The following PMPCA variants were observed in gnomAD, a reference collection of about 807,000 sequenced individuals.
PMPCA encodes the protein peptidase, mitochondrial processing subunit alpha.
In PMPCA, 47 loss-of-function variants were observed where a neutral mutation model predicts 59.3. The observed-to-expected ratio is 0.79, with a 90% CI of 0.63 to 1.01. PMPCA has a LOEUF of 1.01. PMPCA is among the 50% of genes least tolerant of loss of function. The probability of loss-of-function intolerance (pLI) is 0.00; values close to 1 mark genes in which losing one functional copy is unlikely to be tolerated. For synonymous variants in PMPCA, 338 were observed against 290.3 expected, an observed-to-expected ratio of 1.16 and a Z score of -1.67; for missense variants, 726 against 704.5, an observed-to-expected ratio of 1.03 and a Z score of -0.34.
At chr9:136,416,559 C>A in intron 6 of PMPCA, 168 bp downstream of exon 6, 1 of 677,930 alleles carries the variant, frequency 1.5e-6, no homozygotes, top group South Asian at 1.6e-5. Flanking sequence ...CTACGCTGGT[C>A]TTGCACTCCT....
intron 1 of PMPCA, among the ~76,000 whole-genome samples, chr9:136,411,654 G>GGAT (rs960325402): frequency 2.0e-5 from 3 of 152,194 alleles, no homozygotes; most frequent in African/African-American, 7.2e-5. Flanking sequence ...GGTTAATAAG[G>GGAT]GATATGGCTT....
Position 136,410,734 on chromosome 9 carries a change from G to T in PMPCA, c.66G>T (p.Arg22=). 7.1e-7 allele frequency: 1 copy of T among 1,416,184 alleles called. No homozygotes were observed. The allele number at this position is 1,416,184 out of a possible 1,614,324, so 87.7% of individuals were successfully genotyped here. The part of the protein sequence containing the change: ...LRGSGSWGCS[R]LRFGPPAYRR... ...GCTCGGGTTCTTGGGGCTGTTCGCG[G>T]CTGAGGTGAGCCAAAGGCGAACCAG... The change falls in exon 1 of 13, where the codon CGG becomes CGT. Residue 22 remains arginine, a synonymous_variant. Coordinates refer to ENST00000371717, the MANE Select transcript of PMPCA (RefSeq NM_015160.3).
At position 136,423,283 on chromosome 9, in the gene PMPCA, C is replaced by G. The variant is rs1224283835; in HGVS notation, c.*19C>G. The G allele has an allele frequency of 6.2e-7, 1 of 1,603,712 alleles. No homozygotes were observed. Among genetic ancestry groups the G allele is most frequent in the Admixed American group, 1.7e-5 (1 of 59,506 alleles). Reference sequence around the variant, plus strand: ...CCGGTAGAACCGCTCCCCGGCCTGACAGACCCAGGGAGCTGCAGCTGGAGC... The same window carrying G: ...CCGGTAGAACCGCTCCCCGGCCTGAGAGACCCAGGGAGCTGCAGCTGGAGC... On this transcript the variant is annotated 3_prime_UTR_variant, in exon 13 of 13. Transcript: ENST00000371717.
intron 8 of PMPCA, among the ~76,000 whole-genome samples, 163 bp downstream of exon 8, chr9:136,418,272 T>G (rs191221793): frequency 2.1e-4 from 28 of 134,442 alleles, no homozygotes; most frequent in Non-Finnish European, 3.0e-4. Context: ...CCTGATGCAG[T>G]GTGGGCGACT....
intron 8 of PMPCA, 47 bp downstream of exon 8, chr9:136,418,156 C>T (rs374851775): frequency 5.0e-5 from 68 of 1,357,472 alleles, no homozygotes; most frequent in Admixed American, 1.7e-4. Flanking sequence ...GCAGTGTGGC[C>T]GGCTCAGCCA....
intron 2 of PMPCA, 143 bp from the exon 3 acceptor site, chr9:136,412,347 T>C: frequency 1.3e-6 from 1 of 781,068 alleles, no homozygotes. Flanking sequence ...GAGCTACACA[T>C]ATACCTGTGA....
At chr9:136,422,282 G>A (rs1246259566) in intron 12 of PMPCA, 31 of 1,295,070 alleles carry the variant, frequency 2.4e-5, no homozygotes, top group East Asian at 8.0e-5. Context: ...GTTAGTAGGC[G>A]AGAAGGGCTC....
In PMPCA at chr9:136,413,196, G is replaced by A. The variant is rs191988478; in HGVS notation, c.437+304G>A. 3.9e-5 allele frequency among the ~76,000 whole-genome samples: 6 copies of A among 152,356 alleles called. No individual in the cohort carries two copies. In the East Asian group the frequency reaches 7.7e-4, roughly 20 times the overall value. On this transcript the variant is annotated intron_variant, in intron 4 of 12. Coordinates refer to ENST00000371717, the MANE Select transcript of PMPCA (RefSeq NM_015160.3). ...CGTAATGGACCCCGTAGCCAAAGGC[G>A]GTAGGAGCCAGGAGGATGAGTGGCT...
At chr9:136,410,940 C>T (rs1431946425) in intron 1 of PMPCA, among the ~76,000 whole-genome samples, 1 of 152,262 alleles carries the variant, frequency 6.6e-6, no homozygotes, top group East Asian at 1.9e-4. Flanking sequence ...TGTCTCTCCT[C>T]TCCCCGGCTG....
At chr9:136,412,301 C>G in intron 2 of PMPCA, 102 bp downstream of exon 2, 1 of 940,752 alleles carries the variant, frequency 1.1e-6, no homozygotes, top group South Asian at 1.4e-5. Context: ...GAATTGTACC[C>G]TGAGTGGAAA....
chr9:136,418,642 T>C lies in PMPCA; in HGVS notation c.1078T>C (p.Phe360Leu). Reference protein sequence around the residue: ...FSAGGPGKGMFSRLYLNVLNR... With the variant: ...FSAGGPGKGMLSRLYLNVLNR... The stretch of plus-strand genomic sequence containing the variant: ...GGCTGGTGGGCCCGGCAAGGGCATG[T>C]TCTCCAGGCTCTACCTCAACGTGCT... Residue 360 changes from phenylalanine to leucine, a missense_variant, in exon 9 of 13, where the codon TTC (phenylalanine) becomes CTC (leucine). By Grantham distance (22) the Phe-to-Leu change is conservative. Transcript: ENST00000371717. 1 of 1,612,996 alleles carries C rather than the reference T, an allele frequency of 6.2e-7. No homozygotes were observed. Among genetic ancestry groups the C allele is most frequent in the Non-Finnish European group, 8.5e-7 (1 of 1,178,936 alleles).
rs756603199 is a variant in PMPCA, at chr9:136,417,157, C to T, written c.840C>T (p.Ser280=). ...YLLGVQPAWG[S]AEAVDIDRSV... ...TGGGGGTCCAGCCGGCCTGGGGGAG[C>T]GCAGAGGCCGTGGATATTGACAGAT... The change falls in exon 7 of 13, where the codon AGC becomes AGT. Residue 280 remains serine, a synonymous_variant. Transcript: ENST00000371717. 8.7e-6 allele frequency: 14 copies of T among 1,611,600 alleles called. 1 individual carries two copies. Among genetic ancestry groups the T allele is most frequent in the South Asian group, 5.5e-5 (5 of 90,980 alleles).
chr9:136,415,456 C>A (rs1039983564), intron 5 of PMPCA, among the ~76,000 whole-genome samples: 5 of 152,234 alleles, frequency 3.3e-5, no homozygotes, highest in Non-Finnish European at 5.9e-5. Context: ...CTCAGCCTTG[C>A]AGATGGCAGG....
At chr9:136,421,768 C>G in intron 11 of PMPCA, 64 bp from the exon 12 acceptor site, 3 of 1,451,450 alleles carry the variant, frequency 2.1e-6, no homozygotes, top group Non-Finnish European at 1.9e-6. Context: ...TGCCATTGCT[C>G]GAGTGGGGGG....
intron 12 of PMPCA, 27 bp from the exon 13 acceptor site, chr9:136,423,068 G>C: frequency 6.3e-7 from 1 of 1,599,012 alleles, no homozygotes. Context: ...GCGCGCTCGT[G>C]TGACACGCGT....
At chr9:136,413,974 G>A (rs13295852) in intron 4 of PMPCA, among the ~76,000 whole-genome samples, 28,480 of 152,142 alleles carry the variant, frequency 0.19, 3,205 homozygotes, top group Non-Finnish European at 0.25. Context: ...CCATGATTTC[G>A]TGCCTGTCCC....
rs191361534 is a variant in PMPCA, at chr9:136,412,278, G to A, written c.274+79G>A. On this transcript the variant is annotated intron_variant, in intron 2 of 12. Coordinates refer to ENST00000371717, the MANE Select transcript of PMPCA (RefSeq NM_015160.3). ...TTTAGTTGACTGTTAGTTGTAATTA[G>A]CATGCCAATTATGAATTGTACCCTG... 25 of 1,070,426 alleles carry A rather than the reference G, an allele frequency of 2.3e-5. No homozygotes were observed. In the Admixed American group the frequency reaches 3.6e-4, roughly 15 times the overall value. The allele number at this position is 1,070,426 out of a possible 1,614,324, so 66.3% of individuals were successfully genotyped here. A position where few individuals can be genotyped will look rare whatever the true frequency, so the allele number is the denominator to read the frequency against.
chr9:136,418,023 A>C lies in PMPCA; in HGVS notation c.904A>C (p.Arg302=). ...QYTGGIAKLE[R]DMSNVSLGPT... ...CTTGTTTTCTTGGTTACAGCTAGAAAGAGACATGTCCAATGTCAGCCTGGG... is the reference window on the plus strand; with the variant it reads ...CTTGTTTTCTTGGTTACAGCTAGAACGAGACATGTCCAATGTCAGCCTGGG... The change falls in exon 8 of 13, where the codon AGA becomes CGA. Residue 302 remains arginine (R), a synonymous_variant. Coordinates refer to ENST00000371717, the MANE Select transcript of PMPCA (RefSeq NM_015160.3). The C allele has an allele frequency of 1.9e-6, 3 of 1,612,204 alleles. No individual in the cohort carries two copies. The highest frequency in any genetic ancestry group is 2.5e-6 in the Non-Finnish European group (3 of 1,178,200).
In PMPCA at chr9:136,411,692, G is replaced by C. The variant is rs529972535; in HGVS notation, c.72-305G>C. ...ATCCAAGACTTCGGTGGTGCTGTTG[G>C]AGGGCAGAGCTGTTAAGTGCTTTAT... On this transcript the variant is annotated intron_variant, in intron 1 of 12. Coordinates refer to ENST00000371717, the MANE Select transcript of PMPCA (RefSeq NM_015160.3). Among the ~76,000 whole-genome samples the C allele has an allele frequency of 4.6e-5, 7 of 152,330 alleles. No individual in the cohort carries two copies. In the East Asian group the frequency reaches 1.3e-3, roughly 29 times the overall value.
Sources: allele counts gnomAD v4.1 joint callset (sites outside exome capture counted in the v4.1 genomes callset), GRCh38; gene constraint gnomAD v4.1.1; transcripts MANE v1.5; gene names NCBI Gene and HGNC (gene_info 2026-07-23, HGNC 2026-07-21).